The following SFRP4 variants were observed in gnomAD, a reference collection of about 807,000 sequenced individuals.
SFRP4 encodes secreted frizzled-related protein 4.
In SFRP4, 25 loss-of-function variants were observed where a neutral mutation model predicts 36.3. The observed-to-expected ratio is 0.69, with a 90% CI of 0.50 to 0.96. The LOEUF (loss-of-function observed/expected upper bound fraction) is 0.96, where lower values mean the gene tolerates loss of function less well. Among genes scored for constraint, SFRP4 ranks in the 40% least tolerant of loss-of-function variants. The pLI is 0.00. For synonymous variants in SFRP4, 182 were observed against 168.8 expected, an observed-to-expected ratio of 1.08 and a Z score of -0.60; for missense variants, 487 against 459.6, an observed-to-expected ratio of 1.06 and a Z score of -0.54.
Position 37,907,621 on chromosome 7 carries a change from T to A in SFRP4, c.899A>T (p.Asp300Val), listed in dbSNP as rs1443297650. 6.2e-7 allele frequency: 1 copy of A among 1,613,798 alleles called. No homozygotes were observed. The highest frequency in any genetic ancestry group is 1.1e-5 in the South Asian group (1 of 91,044). The change falls in exon 6 of 6, where the codon GAC becomes GTC. Residue 300 changes from aspartate to valine, a missense_variant. Coordinates refer to ENST00000436072, the MANE Select transcript of SFRP4 (RefSeq NM_003014.4). ...GGTGCGCCCGGCTGTTTTCTTCTTG[T>A]CCTGAACTGTTCTCCGCTGTTCCTG... is the stretch of plus-strand genomic sequence containing the variant. The part of the protein sequence containing the change: ...RLQEQRRTVQ[D>V]KKKTAGRTSR...
intron 4 of SFRP4, among the ~76,000 whole-genome samples, 178 bp downstream of exon 4, chr7:37,911,941 C>CATTACTCATATTTTGATTTTTCCTTT (rs1265996706): frequency 6.6e-6 from 1 of 152,210 alleles, no homozygotes; most frequent in Non-Finnish European, 1.5e-5. Context: ...ATTTTTCCTT[C>CATTACTCATATTTTGATTTTTCCTTT]ATTCTATGAA....
Position 37,914,293 on chromosome 7 carries a change from A to C in SFRP4, c.527-15T>G, listed in dbSNP as rs759259781. The C allele has an allele frequency of 6.2e-7, 1 of 1,614,114 alleles. No homozygotes were observed. The highest frequency in any genetic ancestry group is 8.5e-7 in the Non-Finnish European group (1 of 1,179,898). ...CTTGCACCGATCTAAAAAAGGCAGA[A>C]GAGGCAGAAAGTTGGAAAAAGAACA... is the stretch of plus-strand genomic sequence containing the variant. On this transcript the variant is annotated splice_polypyrimidine_tract_variant and intron_variant, in intron 2 of 5. Coordinates refer to ENST00000436072, the MANE Select transcript of SFRP4 (RefSeq NM_003014.4).
chr7:37,915,717 G>A (rs563007479), intron 1 of SFRP4, among the ~76,000 whole-genome samples: 19 of 152,196 alleles, frequency 1.2e-4, no homozygotes, highest in African/African-American at 4.1e-4. Context: ...ATTGGCACCT[G>A]CTTGGTGAGA....
In SFRP4 at chr7:37,914,142, C is replaced by T. The variant is rs79394372; in HGVS notation, c.592+71G>A. 338 of 1,189,722 alleles carry T rather than the reference C, an allele frequency of 2.8e-4. No individual in the cohort carries two copies. The African/African-American group carries it at 4.6e-3, about 16-fold the overall frequency. 73.7% of individuals were successfully genotyped at this position (1,189,722 alleles called of 1,614,324 possible). A position where few individuals can be genotyped will look rare whatever the true frequency, so the allele number is the denominator to read the frequency against. On this transcript the variant is annotated intron_variant, in intron 3 of 5. Transcript: ENST00000436072. ...ACTTTGTGACTAGCTTTAGTGAGAG[C>T]GACCTTATTGAGATTCCAGCTTTGT... is the stretch of plus-strand genomic sequence containing the variant.
rs1322516961 is a variant in SFRP4 at position 37,906,093 on chromosome 7, G to A, written c.*1386C>T. On this transcript the variant is annotated 3_prime_UTR_variant, in exon 6 of 6. Coordinates refer to ENST00000436072, the MANE Select transcript of SFRP4 (RefSeq NM_003014.4). ...GACAGGAAAACTTATCTCAATAAAG[G>A]GCCAAGCAAAGGAGGCAGGTTATGA... The A allele has an allele frequency of 6.6e-6, 1 of 152,036 alleles. No homozygotes were observed. Among genetic ancestry groups the A allele is most frequent in the Non-Finnish European group, 1.5e-5 (1 of 68,014 alleles). The allele number at this position is 152,036 out of a possible 1,614,324, so 9.4% of individuals were successfully genotyped here. A position where few individuals can be genotyped will look rare whatever the true frequency, so the allele number is the denominator to read the frequency against.
chr7:37,911,967 A>G, intron 4 of SFRP4, 152 bp downstream of exon 4: 1 of 458,316 alleles, frequency 2.2e-6, no homozygotes, highest in Non-Finnish European at 3.9e-6. Context: ...AATTGATAGA[A>G]TATATGCTAT....
At position 37,912,238 on chromosome 7, in the gene SFRP4, G is replaced by C. The variant is rs1785501024; in HGVS notation, c.672C>G (p.Phe224Leu). The change falls in exon 4 of 6, where the codon TTC (phenylalanine) becomes TTG (leucine). Residue 224 changes from phenylalanine to leucine, a missense_variant. Physicochemically the swap from Phe to Leu is conservative, Grantham distance 22. Coordinates refer to ENST00000436072, the MANE Select transcript of SFRP4 (RefSeq NM_003014.4). ...VTTVVDVKEIFKSSSPIPRTQ... is the reference protein window; with the variant it reads ...VTTVVDVKEILKSSSPIPRTQ... ...TTCGAGGGATGGGTGATGAGGACTT[G>C]AAGATCTCTTTTACATCCACCACCG... is the stretch of plus-strand genomic sequence containing the variant. The C allele has an allele frequency of 6.2e-7, 1 of 1,613,990 alleles. No individual in the cohort carries two copies. The highest frequency in any genetic ancestry group is 8.5e-7 in the Non-Finnish European group (1 of 1,179,946).
intron 1 of SFRP4, among the ~76,000 whole-genome samples, 184 bp from the exon 2 acceptor site, chr7:37,914,637 G>A (rs987164479): frequency 2.0e-5 from 3 of 152,182 alleles, no homozygotes; most frequent in African/African-American, 7.2e-5. Flanking sequence ...AGCCAAGGAG[G>A]GCAGATCACC....
chr7:37,914,383 G>A lies in SFRP4; in HGVS notation c.516C>T (p.Arg172=). The change falls in exon 2 of 6, where the codon CGC becomes CGT. Residue 172 remains arginine, a synonymous_variant. Coordinates refer to ENST00000436072, the MANE Select transcript of SFRP4 (RefSeq NM_003014.4). ...QERPLDVDCK[R]LSPDRCKCKK... ...GAAGAAAGAACTCACCGGGGCTTAG[G>A]CGTTTACAGTCAACATCAAGAGGCC... The A allele has an allele frequency of 6.2e-7, 1 of 1,613,644 alleles. No homozygotes were observed.
chr7:37,916,221 TCG>T lies in SFRP4; in HGVS notation c.315_316del (p.Asp106ArgfsTer26). On this transcript the variant is annotated frameshift_variant, in exon 1 of 6. Transcript: ENST00000436072. LOFTEE classifies it high-confidence loss of function. The surrounding 1 kb of genome is among the most constrained non-coding windows in gnomAD (Gnocchi z 4.1). ...CATCTTCATGAGGGGCTCGCAGTCG[TCG>T]CGCGCGCGTTGGCACACCGACTTGC... is the stretch of plus-strand genomic sequence containing the variant. 6.2e-7 allele frequency: 1 copy of T among 1,614,152 alleles called. No individual in the cohort carries two copies. Among genetic ancestry groups the T allele is most frequent in the Middle Eastern group, 1.6e-4 (1 of 6,062 alleles).
At chr7:37,908,713 CT>C (rs11315772) in intron 5 of SFRP4, among the ~76,000 whole-genome samples, 32,654 of 152,074 alleles carry the variant, frequency 0.21, 3,878 homozygotes, top group South Asian at 0.4. Context: ...GATAACCAAT[CT>C]TGCTAGAATT....
rs376511627 is a variant in SFRP4 at position 37,913,998 on chromosome 7, T to A, written c.592+215A>T. ...ATGTAATTTTTATCACCTGGGTCAT[T>A]TCCTTTGTTTGCACTTGATTCATCC... On this transcript the variant is annotated intron_variant, in intron 3 of 5. Coordinates refer to ENST00000436072, the MANE Select transcript of SFRP4 (RefSeq NM_003014.4). Among the ~76,000 whole-genome samples the A allele has an allele frequency of 2.6e-5, 4 of 152,244 alleles. No individual in the cohort carries two copies. The East Asian group carries it at 5.8e-4, about 22-fold the overall frequency.
At position 37,907,390 on chromosome 7, in the gene SFRP4, G is replaced by C. The variant is rs1251612437; in HGVS notation, c.*89C>G. Reference sequence around the variant, plus strand: ...ACTGCAGTGAGTTGTTAGGGCAAGGGGCACATGGCCTTACATAGGCTGTCC... The same window carrying C: ...ACTGCAGTGAGTTGTTAGGGCAAGGCGCACATGGCCTTACATAGGCTGTCC... On this transcript the variant is annotated 3_prime_UTR_variant, in exon 6 of 6. Transcript: ENST00000436072. 3.6e-6 allele frequency: 4 copies of C among 1,097,772 alleles called. No homozygotes were observed. The highest frequency in any genetic ancestry group is 5.3e-6 in the Non-Finnish European group (4 of 753,504). The allele number at this position is 1,097,772 out of a possible 1,614,324, so 68.0% of individuals were successfully genotyped here. A position where few individuals can be genotyped will look rare whatever the true frequency, so the allele number is the denominator to read the frequency against.
chr7:37,914,266 C>G lies in SFRP4; in HGVS notation c.539G>C (p.Cys180Ser). 1.2e-6 allele frequency: 2 copies of G among 1,614,118 alleles called. No homozygotes were observed. The highest frequency in any genetic ancestry group is 2.2e-5 in the South Asian group (2 of 91,086). The change falls in exon 3 of 6, where the codon TGT becomes TCT. Residue 180 changes from cysteine (C) to serine (S), a missense_variant. Cys to Ser is a moderately radical substitution (Grantham distance 112). Transcript: ENST00000436072. ...CKRLSPDRCK[C>S]KKVKPTLATY... ...TGCCAAAGTTGGCTTCACCTTTTTA[C>G]ACTTGCACCGATCTAAAAAAGGCAG...
intron 3 of SFRP4, among the ~76,000 whole-genome samples, chr7:37,913,112 G>A (rs1785521122): frequency 6.6e-6 from 1 of 152,180 alleles, no homozygotes; most frequent in Non-Finnish European, 1.5e-5. Context: ...TCTCAGGCTG[G>A]ATCTTGGCAG....
chr7:37,909,676 T>A lies in SFRP4; in HGVS notation c.796A>T (p.Met266Leu). Reference sequence around the variant, plus strand: ...TCAACTAAGCAATTTTCAAGAAGCATCATCCTGAAAAAAAATTATCTTAGT... The same window carrying A: ...TCAACTAAGCAATTTTCAAGAAGCAACATCCTGAAAAAAAATTATCTTAGT... ...IMCYEWRSRM[M>L]LLENCLVEKW... The change falls in exon 5 of 6, where the codon ATG becomes TTG. Residue 266 changes from methionine to leucine, a missense_variant. Transcript: ENST00000436072. The A allele has an allele frequency of 6.4e-7, 1 of 1,569,902 alleles. No individual in the cohort carries two copies. The highest frequency in any genetic ancestry group is 1.8e-5 in the Admixed American group (1 of 56,024).
At chr7:37,911,395 G>T (rs575629860) in intron 4 of SFRP4, among the ~76,000 whole-genome samples, 118 of 152,298 alleles carry the variant, frequency 7.7e-4, no homozygotes, top group Non-Finnish European at 1.3e-3. Context: ...GAGTGATTTT[G>T]CTGGAGAAGT....
chr7:37,916,474 C>T lies in SFRP4; in HGVS notation c.64G>A (p.Ala22Thr). The change falls in exon 1 of 6, where the codon GCG becomes ACG. Residue 22 changes from alanine to threonine, a missense_variant. Transcript: ENST00000436072. The surrounding 1 kb of genome is among the most constrained non-coding windows in gnomAD (Gnocchi z 4.1). ...WLHLALGVRG[A>T]PCEAVRIPMC... ...GGGATGCGCACCGCCTCGCAGGGCGCGCCGCGCACGCCCAGCGCCAGGTGC... is the reference window on the plus strand; with the variant it reads ...GGGATGCGCACCGCCTCGCAGGGCGTGCCGCGCACGCCCAGCGCCAGGTGC... 2 of 1,612,864 alleles carry T rather than the reference C, an allele frequency of 1.2e-6. No homozygotes were observed. The highest frequency in any genetic ancestry group is 1.7e-6 in the Non-Finnish European group (2 of 1,179,446).
rs761773096 is a variant in SFRP4, at chr7:37,914,249, T to G, written c.556A>C (p.Thr186Pro). 1 of 1,614,204 alleles carries G rather than the reference T, an allele frequency of 6.2e-7. No individual in the cohort carries two copies. Among genetic ancestry groups the G allele is most frequent in the African/African-American group, 1.3e-5 (1 of 75,060 alleles). ...TTTTTGCTGAGATACGTTGCCAAAG[T>G]TGGCTTCACCTTTTTACACTTGCAC... ...DRCKCKKVKP[T>P]LATYLSKNYS... The change falls in exon 3 of 6, where the codon ACT (threonine) becomes CCT (proline). Residue 186 changes from threonine (T) to proline (P), a missense_variant. Thr to Pro is a conservative substitution (Grantham distance 38). Coordinates refer to ENST00000436072, the MANE Select transcript of SFRP4 (RefSeq NM_003014.4).
Sources: gnomAD v4.1 joint callset for allele counts (sites outside exome capture counted in the v4.1 genomes callset) on GRCh38, gnomAD v4.1.1 for gene constraint, Gnocchi (gnomAD v3.1) non-coding constraint, MANE v1.5 for transcripts, NCBI Gene and HGNC (gene_info 2026-07-23, HGNC 2026-07-21) for gene names.